Variants in MYH13 observed in about 807,000 individuals in gnomAD.
MYH13 encodes the protein myosin-13.
A neutral mutation model predicts 232.1 loss-of-function variants in MYH13; 177 were observed. The ratio of observed to expected loss-of-function variants is 0.76; its 90% CI spans 0.67 to 0.86. MYH13 has a LOEUF of 0.86. MYH13 is among the 40% of genes least tolerant of loss of function. The probability of loss-of-function intolerance (pLI) is 0.00; values close to 1 mark genes in which losing one functional copy is unlikely to be tolerated. For missense variants in MYH13, 2,246 were observed against 2,405.9 expected (o/e 0.93, Z 1.39); for synonymous variants, 884 against 923.5 (o/e 0.96, Z 0.78).
In MYH13 at chr17:10,351,004, G is replaced by A. The variant is rs541588015; in HGVS notation, c.1006-310C>T. Among the ~76,000 whole-genome samples the A allele has an allele frequency of 2.5e-4, 38 of 151,952 alleles. 1 individual carries two copies. In the East Asian group the frequency reaches 6.8e-3, roughly 27 times the overall value. ...TGAGAGGCCAGGGCAGGCAGATTAC[G>A]AGGTCAGGAGTTTGAGACCATCCTG... On this transcript the variant is annotated intron_variant, in intron 11 of 40. Transcript: ENST00000252172.
chr17:10,309,913 G>T, intron 33 of MYH13, 83 bp from the exon 34 acceptor site: 2 of 1,150,286 alleles, frequency 1.7e-6, no homozygotes, highest in South Asian at 2.2e-5. Context: ...ACGATCAAAT[G>T]GGTATGCGTT....
rs553197133 is a variant in MYH13 at position 10,363,866 on chromosome 17, G to A, written c.204+461C>T. Among the ~76,000 whole-genome samples the A allele has an allele frequency of 7.2e-5, 11 of 152,304 alleles. No individual in the cohort carries two copies. In the South Asian group the frequency reaches 2.1e-3, roughly 29 times the overall value. ...GAAACTTTGGGAAAGCAGGTGCAGA[G>A]GTATGCTTATATTTGCAAAGCGATC... On this transcript the variant is annotated intron_variant, in intron 3 of 40. Transcript: ENST00000252172.
chr17:10,306,575 C>A lies in MYH13; in HGVS notation c.5350G>T (p.Glu1784Ter). ...TGCTCCAGGTTCTTCTTCATCCGCT[C>A]CAGGTGGGCGCTGGTGTCCTGTTCC... The part of the protein sequence containing the change: ...KKEQDTSAHL[E>*]RMKKNLEQTV... Residue 1784 changes from glutamate to a stop codon, truncating the protein, a stop_gained, in exon 37 of 41, where the codon GAG becomes TAG. Transcript: ENST00000252172. LOFTEE classifies it high-confidence loss of function. This position sits in a 1 kb window ranked among gnomAD's most constrained non-coding sequence, Gnocchi z 4.3. 6.2e-7 allele frequency: 1 copy of A among 1,614,150 alleles called. No homozygotes were observed. Among genetic ancestry groups the A allele is most frequent in the Non-Finnish European group, 8.5e-7 (1 of 1,180,036 alleles).
Position 10,338,991 on chromosome 17 carries a change from G to A in MYH13, c.2056+1159C>T, listed in dbSNP as rs180951449. 3.9e-5 allele frequency among the ~76,000 whole-genome samples: 6 copies of A among 152,310 alleles called. No individual in the cohort carries two copies. The East Asian group carries it at 7.7e-4, about 20-fold the overall frequency. On this transcript the variant is annotated intron_variant, in intron 18 of 40. Coordinates refer to ENST00000252172, the MANE Select transcript of MYH13 (RefSeq NM_003802.3). ...GCTGGGATTACAGGCGTGAGCCACT[G>A]TGCCCGGCCTATCCTTGTTTTATGG... is the stretch of plus-strand genomic sequence containing the variant.
At chr17:10,368,850 C>G (rs2071857728) in intron 2 of MYH13, among the ~76,000 whole-genome samples, 1 of 152,180 alleles carries the variant, frequency 6.6e-6, no homozygotes. Flanking sequence ...TAGCGTTAAG[C>G]ATGATACCCA....
At chr17:10,346,544 G>A (rs1014556606) in intron 13 of MYH13, 136 bp downstream of exon 13, 3 of 642,426 alleles carry the variant, frequency 4.7e-6, no homozygotes, top group Non-Finnish European at 7.7e-6. Flanking sequence ...TGCCTCTGAA[G>A]CCTAAAAATG....
In MYH13 at chr17:10,316,016, C is replaced by T; in HGVS notation, c.3748G>A (p.Glu1250Lys). The T allele has an allele frequency of 1.2e-6, 2 of 1,614,002 alleles. No homozygotes were observed. Among genetic ancestry groups the T allele is most frequent in the Non-Finnish European group, 1.7e-6 (2 of 1,179,896 alleles). ...EALSKSKSNI[E>K]RTCRTVEDQF... is the part of the protein sequence containing the mutation. The stretch of plus-strand genomic sequence containing the variant: ...TCTTCTACCGTCCGGCACGTTCTTT[C>T]TATGTTACTCTTTAACAAACAGAAA... Residue 1250 changes from glutamate (E) to lysine (K), a missense_variant, in exon 28 of 41, where the codon GAA (glutamate) becomes AAA (lysine). Physicochemically the swap from Glu to Lys is moderately conservative, Grantham distance 56. Transcript: ENST00000252172.
At chr17:10,301,796 A>G in intron 39 of MYH13, 93 bp from the exon 40 acceptor site, 1 of 1,489,628 alleles carries the variant, frequency 6.7e-7, no homozygotes, top group Non-Finnish European at 9.0e-7. Context: ...GAGTTAAGCA[A>G]CCAGGGCCCT....
chr17:10,324,447 A>T (rs1907124143), intron 22 of MYH13, among the ~76,000 whole-genome samples, 183 bp from the exon 23 acceptor site: 2 of 152,026 alleles, frequency 1.3e-5, no homozygotes, highest in Non-Finnish European at 2.9e-5. Flanking sequence ...ATCACCCATA[A>T]ACACATTTTT....
intron 18 of MYH13, among the ~76,000 whole-genome samples, chr17:10,336,328 C>G (rs1385694092): frequency 6.6e-6 from 1 of 152,212 alleles, no homozygotes; most frequent in Non-Finnish European, 1.5e-5. Flanking sequence ...TTCTCTCATC[C>G]TTCTGCTCCA....
chr17:10,334,215 C>T (rs888622074), intron 18 of MYH13, among the ~76,000 whole-genome samples: 1 of 146,668 alleles, frequency 6.8e-6, no homozygotes, highest in Non-Finnish European at 1.5e-5. Context: ...CCTAAGTTGC[C>T]GGGGTGGGAG....
At chr17:10,342,177 C>CT (rs2071623838) in intron 16 of MYH13, among the ~76,000 whole-genome samples, 1 of 152,160 alleles carries the variant, frequency 6.6e-6, no homozygotes, top group Non-Finnish European at 1.5e-5. Context: ...TCCCAAGTAG[C>CT]TGGACTACAG....
chr17:10,333,144 C>T lies in MYH13; in HGVS notation c.2104G>A (p.Val702Ile). 6.4e-7 allele frequency: 1 copy of T among 1,551,866 alleles called. No individual in the cohort carries two copies. Among genetic ancestry groups the T allele is most frequent in the Non-Finnish European group, 8.7e-7 (1 of 1,147,072 alleles). Residue 702 changes from valine (V) to isoleucine (I), a missense_variant, in exon 19 of 41, where the codon GTC becomes ATC. Transcript: ENST00000252172. The part of the protein sequence containing the change: ...LVMHQLRCNG[V>I]LEGIRICRKG... ...CTGCAAATCCGGATGCCCTCGAGGA[C>T]CCCGTTACAGCGCAGCTGGTGCATG... is the stretch of plus-strand genomic sequence containing the variant.
Position 10,322,203 on chromosome 17 carries a change from T to A in MYH13, c.2935-495A>T, listed in dbSNP as rs1276166217. On this transcript the variant is annotated intron_variant, in intron 23 of 40. Transcript: ENST00000252172. ...GTCAGGAGATCGAGACCATCCTGAC[T>A]AACATCGTGAAACCTCGTCTCTACT... 2.0e-5 allele frequency among the ~76,000 whole-genome samples: 3 copies of A among 150,722 alleles called. No individual in the cohort carries two copies. The East Asian group carries it at 5.9e-4, about 30-fold the overall frequency.
chr17:10,327,796 C>T (rs1451273230), intron 22 of MYH13, 70 bp downstream of exon 22: 1 of 1,567,380 alleles, frequency 6.4e-7, no homozygotes, highest in Non-Finnish European at 8.6e-7. Flanking sequence ...CTGATGGCGC[C>T]CTCAATGTTC....
At chr17:10,317,077 C>CT (rs1305409544) in intron 27 of MYH13, among the ~76,000 whole-genome samples, 3 of 152,134 alleles carry the variant, frequency 2.0e-5, no homozygotes, top group Admixed American at 2.0e-4. Context: ...TGACGTGCTG[C>CT]TTCCCCTGGA....
chr17:10,367,178 A>G (rs9898116), intron 2 of MYH13, among the ~76,000 whole-genome samples: 4,045 of 152,346 alleles, frequency 0.027, 195 homozygotes, highest in African/African-American at 0.089. Context: ...TTGTGGTTTC[A>G]GGACGCCTTC....
chr17:10,309,171 C>T (rs1310116221), intron 35 of MYH13, 63 bp downstream of exon 35: 26 of 1,500,752 alleles, frequency 1.7e-5, no homozygotes, highest in Middle Eastern at 2.3e-4. Context: ...AGCAGCTGCA[C>T]GGTGCAGGAG....
Position 10,338,698 on chromosome 17 carries a change from T to TG in MYH13, c.2056+1451_2056+1452insC, listed in dbSNP as rs200687265. Among the ~76,000 whole-genome samples the TG allele has an allele frequency of 3.3e-3, 402 of 121,340 alleles. 14 individuals are homozygous for TG. In the East Asian group the frequency reaches 0.087, roughly 26 times the overall value. 79.6% of individuals were successfully genotyped at this position (121,340 alleles called of 152,430 possible). Reference sequence around the variant, plus strand: ...TGCCACTTTTATCCTTGTTTTTTTTTTTTTTTTGTTTGTTTTTTTTGAGAC... The same window carrying TG: ...TGCCACTTTTATCCTTGTTTTTTTTTGTTTTTTTGTTTGTTTTTTTTGAGAC... On this transcript the variant is annotated intron_variant, in intron 18 of 40. Transcript: ENST00000252172.
Sources: allele counts gnomAD v4.1 joint callset (sites outside exome capture counted in the v4.1 genomes callset), GRCh38; gene constraint gnomAD v4.1.1; non-coding constraint Gnocchi (gnomAD v3.1); transcripts MANE v1.5; gene names NCBI Gene and HGNC (gene_info 2026-07-23, HGNC 2026-07-21).